Variants in ARL14EPL observed in about 807,000 individuals in gnomAD.
ARL14EPL encodes the protein ARF like GTPase 14 effector protein like.
Under a neutral mutation model 15.9 loss-of-function variants are expected in ARL14EPL, and 17 were observed. The ratio of observed to expected loss-of-function variants is 1.07; its 90% confidence interval spans 0.73 to 1.60. ARL14EPL has a LOEUF of 1.60. Among genes scored for constraint, ARL14EPL ranks in the 40% most tolerant of loss-of-function variants. ARL14EPL has a pLI of 0.00. For synonymous variants in ARL14EPL, 78 were observed against 63.8 expected (o/e 1.22, Z -1.06); for missense variants, 214 against 185.9 (o/e 1.15, Z -0.88).
At chr5:116,055,232 A>T (rs1365044516) in intron 3 of ARL14EPL, among the ~76,000 whole-genome samples, 2 of 152,228 alleles carry the variant, frequency 1.3e-5, no homozygotes, top group African/African-American at 4.8e-5. Flanking sequence ...AAGTGTAAAA[A>T]GGTACAACCA....
At chr5:116,057,021 C>T (rs1749532554) in intron 3 of ARL14EPL, among the ~76,000 whole-genome samples, 1 of 152,178 alleles carries the variant, frequency 6.6e-6, no homozygotes, top group Admixed American at 6.6e-5. Context: ...ATGCAAATAT[C>T]CTCAATAAAA....
At chr5:116,051,992 A>G in intron 2 of ARL14EPL, 1 of 1,611,518 alleles carries the variant, frequency 6.2e-7, no homozygotes. Flanking sequence ...CTTTGAAACC[A>G]GTTTGATAAG....
intron 1 of ARL14EPL, among the ~76,000 whole-genome samples, chr5:116,044,852 G>T (rs1749234580): frequency 6.6e-6 from 1 of 152,108 alleles, no homozygotes; most frequent in Non-Finnish European, 1.5e-5. Flanking sequence ...TCCCTTGAGG[G>T]TTCTATGGTT....
intron 3 of ARL14EPL, among the ~76,000 whole-genome samples, chr5:116,054,423 ACAAAAATGTAT>A (rs929521065): frequency 1.3e-5 from 2 of 152,262 alleles, no homozygotes; most frequent in Non-Finnish European, 2.9e-5. Flanking sequence ...TTTAAAAGTA[ACAAAAATGTAT>A]CATTAGAAGG....
intron 1 of ARL14EPL, among the ~76,000 whole-genome samples, chr5:116,043,795 T>C (rs1189565699): frequency 1.3e-5 from 2 of 152,186 alleles, no homozygotes; most frequent in South Asian, 4.1e-4. Flanking sequence ...TTTGGAAAAT[T>C]TTCCTCTGTC....
intron 1 of ARL14EPL, among the ~76,000 whole-genome samples, chr5:116,034,741 T>G (rs566149577): frequency 6.6e-6 from 1 of 152,258 alleles, no homozygotes; most frequent in East Asian, 1.9e-4. Flanking sequence ...AATACCCCTA[T>G]GAGGCAGTGT....
intron 1 of ARL14EPL, among the ~76,000 whole-genome samples, chr5:116,039,990 C>T (rs1749118795): frequency 6.6e-6 from 1 of 151,966 alleles, no homozygotes; most frequent in South Asian, 2.1e-4. Context: ...AATATGTTTC[C>T]ACAACATTAT....
intron 3 of ARL14EPL, 62 bp from the exon 4 acceptor site, chr5:116,058,663 A>G (rs1038372107): frequency 2.7e-6 from 4 of 1,458,746 alleles, no homozygotes; most frequent in South Asian, 1.2e-5. Flanking sequence ...TTGTACATTA[A>G]TTTATTCTCA....
chr5:116,057,583 C>T (rs2457142), intron 3 of ARL14EPL, among the ~76,000 whole-genome samples: 114,863 of 152,104 alleles, frequency 0.76, 43,851 homozygotes, highest in African/African-American at 0.79. Flanking sequence ...TATCCTCTTC[C>T]GCTAAATTTC....
intron 1 of ARL14EPL, among the ~76,000 whole-genome samples, chr5:116,047,684 C>A (rs1254709448): frequency 3.3e-5 from 5 of 152,210 alleles, no homozygotes; most frequent in East Asian, 1.9e-4. Flanking sequence ...GGGTATAAGG[C>A]AGGACCCTCT....
At chr5:116,053,160 C>A (rs2112679286) in intron 2 of ARL14EPL, among the ~76,000 whole-genome samples, 1 of 152,184 alleles carries the variant, frequency 6.6e-6, no homozygotes, top group Middle Eastern at 3.4e-3. Flanking sequence ...CCAGCCTGGG[C>A]AACATGGTGA....
intron 1 of ARL14EPL, among the ~76,000 whole-genome samples, chr5:116,034,204 A>G (rs1435580796): frequency 6.6e-6 from 1 of 151,874 alleles, no homozygotes; most frequent in Non-Finnish European, 1.5e-5. Context: ...AGCATGTCTT[A>G]CTTGAGATCA....
chr5:116,051,617 C>T (rs1244262419), intron 2 of ARL14EPL, 56 bp downstream of exon 2: 3 of 1,379,034 alleles, frequency 2.2e-6, no homozygotes, highest in African/African-American at 2.9e-5. Flanking sequence ...CCTCGAGGAT[C>T]TCTGAGATGC....
chr5:116,055,268 C>T (rs1749488142), intron 3 of ARL14EPL, among the ~76,000 whole-genome samples: 1 of 152,154 alleles, frequency 6.6e-6, no homozygotes, highest in African/African-American at 2.4e-5. Context: ...TCAGTGTTAC[C>T]TATGTGCCTT....
chr5:116,054,174 A>G (rs932621166), intron 3 of ARL14EPL, 21 bp downstream of exon 3: 10 of 1,525,630 alleles, frequency 6.6e-6, no homozygotes, highest in Non-Finnish European at 8.8e-6. Context: ...GACTTATTGT[A>G]TTTGATCTGT....
intron 1 of ARL14EPL, 22 bp from the exon 2 acceptor site, chr5:116,051,435 C>G: frequency 2.1e-6 from 3 of 1,417,758 alleles, no homozygotes; most frequent in Non-Finnish European, 2.9e-6. Flanking sequence ...ATATGTTTTA[C>G]TTTTTCCAAT....
At chr5:116,057,501 G>T (rs1273603449) in intron 3 of ARL14EPL, among the ~76,000 whole-genome samples, 1 of 151,956 alleles carries the variant, frequency 6.6e-6, no homozygotes, top group African/African-American at 2.4e-5. Context: ...GCAAAGGGAG[G>T]ACAGAATCTG....
intron 1 of ARL14EPL, among the ~76,000 whole-genome samples, chr5:116,040,774 T>G (rs960101566): frequency 7.5e-5 from 11 of 147,600 alleles, no homozygotes; most frequent in Admixed American, 2.7e-4. Flanking sequence ...ATCGAGACCA[T>G]CCTGGCTAAC....
At chr5:116,039,729 G>A (rs1749114032) in intron 1 of ARL14EPL, among the ~76,000 whole-genome samples, 1 of 152,100 alleles carries the variant, frequency 6.6e-6, no homozygotes, top group Non-Finnish European at 1.5e-5. Flanking sequence ...GAGAAGATGA[G>A]AAATCTCTGA....
Sources: allele counts gnomAD v4.1 joint callset (sites outside exome capture counted in the v4.1 genomes callset), GRCh38; gene constraint gnomAD v4.1.1; transcripts MANE v1.5; gene names NCBI Gene and HGNC (gene_info 2026-07-23, HGNC 2026-07-21).